EIF4H: variants seen among roughly 807,000 people sequenced by gnomAD.
The protein encoded by EIF4H is eukaryotic translation initiation factor 4H.
In EIF4H, 8 loss-of-function variants were observed where a neutral mutation model predicts 30.6. The observed-to-expected ratio is 0.26, with a 90% confidence interval of 0.15 to 0.47. EIF4H has a LOEUF of 0.47. Among genes scored for constraint, EIF4H ranks in the 20% least tolerant of loss-of-function variants. The pLI is 0.99. For missense variants in EIF4H, 188 were observed against 339.5 expected (o/e 0.55, Z 3.51); for synonymous variants, 106 against 122.7 (o/e 0.86, Z 0.90).
chr7:74,178,759 A>G lies in EIF4H; in HGVS notation c.59+4317A>G, dbSNP rs549730836. Among the ~76,000 whole-genome samples the G allele has an allele frequency of 2.6e-5, 4 of 152,254 alleles. No individual in the cohort carries two copies. In the East Asian group the frequency reaches 7.7e-4, roughly 29 times the overall value. On this transcript the variant is annotated intron_variant, in intron 1 of 6. Coordinates refer to ENST00000265753, the MANE Select transcript of EIF4H (RefSeq NM_022170.2). ...TTAGACCTGCACACCCGGGCATGAAATGAGTGTGATTGCATCATTTTCATA... is the reference window on the plus strand; with the variant it reads ...TTAGACCTGCACACCCGGGCATGAAGTGAGTGTGATTGCATCATTTTCATA...
intron 1 of EIF4H, among the ~76,000 whole-genome samples, chr7:74,181,402 T>C (rs1800957747): frequency 6.6e-6 from 1 of 152,136 alleles, no homozygotes; most frequent in South Asian, 2.1e-4. Flanking sequence ...ATGTATCTTA[T>C]ATATTCTTTC....
intron 2 of EIF4H, among the ~76,000 whole-genome samples, chr7:74,188,756 A>G (rs1801143978): frequency 1.3e-5 from 2 of 152,158 alleles, no homozygotes; most frequent in Non-Finnish European, 1.5e-5. Context: ...ATGAAGGACC[A>G]TCTTCATTTG....
At chr7:74,195,024 G>A in intron 6 of EIF4H, 145 bp from the exon 7 acceptor site, 1 of 1,509,202 alleles carries the variant, frequency 6.6e-7, no homozygotes, top group Non-Finnish European at 8.9e-7. Flanking sequence ...GTTCACCTTG[G>A]TCATTAGAGC....
In EIF4H at chr7:74,195,345, G is replaced by A. The variant is rs1554710565; in HGVS notation, c.*37G>A. ...GGAGGGAATGGGGCGTGGGGGGTTA[G>A]AGCAGGACCACAGCCTGGTGAGTCC... On this transcript the variant is annotated 3_prime_UTR_variant, in exon 7 of 7. Transcript: ENST00000265753. 6 of 1,589,272 alleles carry A rather than the reference G, an allele frequency of 3.8e-6. No homozygotes were observed. The East Asian group carries it at 1.3e-4, about 36-fold the overall frequency.
intron 1 of EIF4H, among the ~76,000 whole-genome samples, chr7:74,178,552 A>G (rs1554707998): frequency 6.6e-6 from 1 of 152,118 alleles, no homozygotes; most frequent in Non-Finnish European, 1.5e-5. Flanking sequence ...CTCCAAAAAA[A>G]AAAAAAGAAA....
At chr7:74,192,208 G>A (rs1801236863) in intron 5 of EIF4H, among the ~76,000 whole-genome samples, 1 of 152,160 alleles carries the variant, frequency 6.6e-6, no homozygotes, top group African/African-American at 2.4e-5. Flanking sequence ...AATTTACTTT[G>A]TACTCACGTG....
Position 74,189,693 on chromosome 7 carries a change from G to A in EIF4H, c.268G>A (p.Asp90Asn), listed in dbSNP as rs781809080. 8.7e-6 allele frequency: 14 copies of A among 1,613,966 alleles called. No individual in the cohort carries two copies. The highest frequency in any genetic ancestry group is 2.7e-5 in the African/African-American group (2 of 74,926). Residue 90 changes from aspartate (D) to asparagine (N), a missense_variant, in exon 3 of 7, where the codon GAT becomes AAT. Coordinates refer to ENST00000265753, the MANE Select transcript of EIF4H (RefSeq NM_022170.2). ...KFKGFCYVEF[D>N]EVDSLKEALT... ...TCCAGGATTCTGCTATGTAGAATTCGATGAAGTGGATTCCCTTAAGGAAGC... is the reference window on the plus strand; with the variant it reads ...TCCAGGATTCTGCTATGTAGAATTCAATGAAGTGGATTCCCTTAAGGAAGC...
intron 5 of EIF4H, among the ~76,000 whole-genome samples, chr7:74,190,632 A>G (rs1363554502): frequency 1.3e-5 from 2 of 152,214 alleles, no homozygotes; most frequent in African/African-American, 2.4e-5. Flanking sequence ...TGGCACCAAG[A>G]GAAGTACTGT....
At chr7:74,182,450 C>T (rs890147522) in intron 1 of EIF4H, among the ~76,000 whole-genome samples, 3 of 152,230 alleles carry the variant, frequency 2.0e-5, no homozygotes, top group Admixed American at 1.3e-4. Context: ...CTTGGCCTCC[C>T]GAAGTGCCGG....
At chr7:74,191,280 T>C (rs782285745) in intron 5 of EIF4H, 9 of 533,234 alleles carry the variant, frequency 1.7e-5, no homozygotes, top group Non-Finnish European at 3.5e-5. Context: ...TAGTCTCTGA[T>C]TGAAACATGC....
At chr7:74,176,729 G>A (rs1800850277) in intron 1 of EIF4H, among the ~76,000 whole-genome samples, 1 of 152,204 alleles carries the variant, frequency 6.6e-6, no homozygotes, top group Non-Finnish European at 1.5e-5. Flanking sequence ...TTGAACCACT[G>A]CTTTTTTCCC....
chr7:74,176,047 A>G (rs1800831593), intron 1 of EIF4H, among the ~76,000 whole-genome samples: 2 of 152,188 alleles, frequency 1.3e-5, no homozygotes, highest in South Asian at 4.1e-4. Context: ...AGAGTTTCCT[A>G]GGTAGCACTG....
rs782366345 is a variant in EIF4H at position 74,195,188 on chromosome 7, A to G, written c.627A>G (p.Pro209=). The G allele has an allele frequency of 9.9e-6, 16 of 1,613,832 alleles. No individual in the cohort carries two copies. Among genetic ancestry groups the G allele is most frequent in the Non-Finnish European group, 1.4e-5 (16 of 1,179,858 alleles). ...EPTEEERAQR[P]RLQLKPRTVA... is the part of the protein sequence containing the mutation. ...CCCCAGAGGAAAGAGCACAGAGACC[A>G]CGACTCCAGCTTAAACCTCGAACAG... The change falls in exon 7 of 7, where the codon CCA becomes CCG. Residue 209 remains proline (P), a synonymous_variant. Transcript: ENST00000265753.
chr7:74,194,962 C>A, intron 6 of EIF4H, 84 bp downstream of exon 6: 2 of 1,520,786 alleles, frequency 1.3e-6, no homozygotes, highest in Admixed American at 4.3e-5. Flanking sequence ...ACTTGGCGTT[C>A]TACGGCACAC....
chr7:74,175,749 A>C (rs1800825740), intron 1 of EIF4H, among the ~76,000 whole-genome samples: 1 of 151,942 alleles, frequency 6.6e-6, no homozygotes, highest in South Asian at 2.1e-4. Context: ...CCTAGTTCCA[A>C]AAAACGTTCA....
At chr7:74,178,379 A>C (rs1211393860) in intron 1 of EIF4H, among the ~76,000 whole-genome samples, 2 of 152,028 alleles carry the variant, frequency 1.3e-5, no homozygotes, top group Non-Finnish European at 2.9e-5. Flanking sequence ...GCAAAACCCC[A>C]TGTCTACTAA....
chr7:74,187,604 C>A lies in EIF4H; in HGVS notation c.60-7C>A, dbSNP rs1554709362. On this transcript the variant is annotated splice_region_variant and splice_polypyrimidine_tract_variant and intron_variant, in intron 1 of 6. Transcript: ENST00000265753. ...CACACTTGAATCCTGTTTGTCTCCC[C>A]TCCTAGGTCCCGCGGCAGTGCTGGT... 1 of 1,578,794 alleles carries A rather than the reference C, an allele frequency of 6.3e-7. No individual in the cohort carries two copies.
chr7:74,190,070 TG>T, intron 4 of EIF4H, 152 bp downstream of exon 4: 1 of 1,125,256 alleles, frequency 8.9e-7, no homozygotes. Context: ...CTAGAAAGAA[TG>T]GCTGATGCTT....
rs1801338921 is a variant in EIF4H at position 74,195,849 on chromosome 7, A to C, written c.*541A>C. 6.5e-6 allele frequency: 1 copy of C among 154,502 alleles called. No individual in the cohort carries two copies. The highest frequency in any genetic ancestry group is 1.5e-5 in the Non-Finnish European group (1 of 68,074). The allele number at this position is 154,502 out of a possible 1,614,324, so 9.6% of individuals were successfully genotyped here. A position where few individuals can be genotyped will look rare whatever the true frequency, so the allele number is the denominator to read the frequency against. On this transcript the variant is annotated 3_prime_UTR_variant, in exon 7 of 7. Coordinates refer to ENST00000265753, the MANE Select transcript of EIF4H (RefSeq NM_022170.2). ...GTATTCAGCTGTGATGGATATAGAG[A>C]ATCAGAGGCACCTTGTTTTCACAAC...
Sources: gnomAD v4.1 joint callset for allele counts (sites outside exome capture counted in the v4.1 genomes callset) on GRCh38, gnomAD v4.1.1 for gene constraint, MANE v1.5 for transcripts, NCBI Gene and HGNC (gene_info 2026-07-23, HGNC 2026-07-21) for gene names.